GMDS: variants seen among roughly 807,000 people sequenced by gnomAD.
The protein encoded by GMDS is GDP-mannose 4,6-dehydratase, also known as GDP-mannose 4,6 dehydratase.
Under a neutral mutation model 49.9 loss-of-function variants are expected in GMDS, and 20 were observed. The ratio of observed to expected loss-of-function variants is 0.40; its 90% CI spans 0.28 to 0.58. The LOEUF is 0.58. GMDS is among the 20% of genes least tolerant of loss of function. GMDS has a pLI of 0.42. For missense variants in GMDS, 362 were observed against 481.4 expected (o/e 0.75, Z 2.32); for synonymous variants, 177 against 178.6 (o/e 0.99, Z 0.07).
At chr6:1,747,298 C>A (rs1767536660) in intron 7 of GMDS, among the ~76,000 whole-genome samples, 1 of 152,182 alleles carries the variant, frequency 6.6e-6, no homozygotes, top group Non-Finnish European at 1.5e-5. Context: ...CGTTAACCTC[C>A]AGTTCAGTAT....
chr6:1,700,926 G>A (rs974856520), intron 9 of GMDS, among the ~76,000 whole-genome samples: 4 of 152,170 alleles, frequency 2.6e-5, no homozygotes, highest in African/African-American at 9.7e-5. Context: ...AGAAGGGTCA[G>A]TCATAACTTA....
intron 7 of GMDS, among the ~76,000 whole-genome samples, chr6:1,743,774 A>T (rs1199678290): frequency 8.1e-5 from 4 of 49,614 alleles, no homozygotes; most frequent in East Asian, 3.0e-3. Flanking sequence ...TGAAGATTTA[A>T]AAAAAAAAAT....
rs535374691 is a variant in GMDS, at chr6:1,970,249, C to T, written c.346-9283G>A. Reference sequence around the variant, plus strand: ...ACCAGTGAGCTGGAAATGCCTAAGACCACACAAGCAGCTGCACTGTTTACT... The same window carrying T: ...ACCAGTGAGCTGGAAATGCCTAAGATCACACAAGCAGCTGCACTGTTTACT... On this transcript the variant is annotated intron_variant, in intron 4 of 10. Coordinates refer to ENST00000380815, the MANE Select transcript of GMDS (RefSeq NM_001500.4). Among the ~76,000 whole-genome samples the T allele has an allele frequency of 2.6e-5, 4 of 152,306 alleles. No homozygotes were observed. The East Asian group carries it at 7.7e-4, about 29-fold the overall frequency.
At chr6:2,034,018 G>A (rs1028425504) in intron 4 of GMDS, among the ~76,000 whole-genome samples, 2 of 152,084 alleles carry the variant, frequency 1.3e-5, no homozygotes, top group Non-Finnish European at 2.9e-5. Context: ...CAATTTTTTA[G>A]TCACATGATT....
At chr6:1,811,575 A>T (rs889513548) in intron 7 of GMDS, among the ~76,000 whole-genome samples, 8 of 105,318 alleles carry the variant, frequency 7.6e-5, no homozygotes, top group African/African-American at 3.0e-4. Context: ...TTTTTTTTTC[A>T]ACTGAAGCCC....
intron 1 of GMDS, among the ~76,000 whole-genome samples, chr6:2,188,204 C>G (rs1778863803): frequency 1.3e-5 from 2 of 152,326 alleles, no homozygotes; most frequent in Admixed American, 6.5e-5. Flanking sequence ...GAGTACAAAT[C>G]CGGTTATTTT....
At chr6:1,794,094 A>G (rs1769647156) in intron 7 of GMDS, among the ~76,000 whole-genome samples, 1 of 152,222 alleles carries the variant, frequency 6.6e-6, no homozygotes, top group Non-Finnish European at 1.5e-5. Context: ...AACAAAATAT[A>G]ATGTTTGGAT....
intron 1 of GMDS, among the ~76,000 whole-genome samples, chr6:2,230,268 T>C (rs1455689474): frequency 6.6e-6 from 1 of 152,234 alleles, no homozygotes; most frequent in African/African-American, 2.4e-5. Context: ...AAAATCTAGA[T>C]GCTTTTATTA....
At chr6:1,819,336 T>C (rs1323964433) in intron 7 of GMDS, among the ~76,000 whole-genome samples, 1 of 152,226 alleles carries the variant, frequency 6.6e-6, no homozygotes, top group Non-Finnish European at 1.5e-5. Context: ...TTTATTTTAA[T>C]AAACTCAAAT....
At chr6:2,114,465 C>T (rs1774730668) in intron 4 of GMDS, among the ~76,000 whole-genome samples, 1 of 152,154 alleles carries the variant, frequency 6.6e-6, no homozygotes, top group Admixed American at 6.5e-5. Context: ...ATTTCTCAAG[C>T]ACACAGTATG....
At chr6:1,959,405 T>C (rs754001892) in intron 6 of GMDS, among the ~76,000 whole-genome samples, 1 of 152,188 alleles carries the variant, frequency 6.6e-6, no homozygotes, top group Non-Finnish European at 1.5e-5. Flanking sequence ...TTTAGAAGCA[T>C]AGTAATTTCT....
intron 7 of GMDS, among the ~76,000 whole-genome samples, chr6:1,880,864 T>C (rs957136769): frequency 6.6e-6 from 1 of 152,168 alleles, no homozygotes; most frequent in Non-Finnish European, 1.5e-5. Context: ...TCTCCACCTG[T>C]ATTTAGGTAA....
chr6:1,844,717 G>A (rs911046347), intron 7 of GMDS, among the ~76,000 whole-genome samples: 4 of 152,184 alleles, frequency 2.6e-5, no homozygotes, highest in African/African-American at 9.6e-5. Flanking sequence ...GAAAATGGAA[G>A]TTCAAGCTGC....
At chr6:1,893,416 T>C (rs1759987502) in intron 7 of GMDS, among the ~76,000 whole-genome samples, 1 of 152,070 alleles carries the variant, frequency 6.6e-6, no homozygotes, top group Non-Finnish European at 1.5e-5. Flanking sequence ...GGTCTCGAAC[T>C]CCTGACATTA....
intron 4 of GMDS, among the ~76,000 whole-genome samples, chr6:2,099,384 T>C (rs1773796472): frequency 6.6e-6 from 1 of 152,128 alleles, no homozygotes; most frequent in East Asian, 1.9e-4. Context: ...TGTTTGTATT[T>C]TTCCCTGGTG....
intron 9 of GMDS, among the ~76,000 whole-genome samples, chr6:1,660,459 C>T (rs1294876787): frequency 6.6e-6 from 1 of 152,000 alleles, no homozygotes; most frequent in Non-Finnish European, 1.5e-5. Context: ...TTTTGGCTTT[C>T]TGAAACTTTG....
At chr6:2,011,605 C>T (rs1767563630) in intron 4 of GMDS, among the ~76,000 whole-genome samples, 1 of 147,586 alleles carries the variant, frequency 6.8e-6, no homozygotes, top group Admixed American at 6.8e-5. Flanking sequence ...TGGAATACTA[C>T]TCAGTCATAA....
At chr6:2,062,767 T>C (rs990027628) in intron 4 of GMDS, among the ~76,000 whole-genome samples, 2 of 152,220 alleles carry the variant, frequency 1.3e-5, no homozygotes, top group African/African-American at 2.4e-5. Context: ...TATTCAGAGA[T>C]AAATCATAAT....
At chr6:2,232,812 C>T (rs987364542) in intron 1 of GMDS, among the ~76,000 whole-genome samples, 4 of 152,152 alleles carry the variant, frequency 2.6e-5, no homozygotes, top group African/African-American at 9.7e-5. Flanking sequence ...CTCCAGATGC[C>T]CGCGACCTTC....
Sources: gnomAD v4.1 joint callset for allele counts (sites outside exome capture counted in the v4.1 genomes callset) on GRCh38, gnomAD v4.1.1 for gene constraint, MANE v1.5 for transcripts, NCBI Gene and HGNC (gene_info 2026-07-23, HGNC 2026-07-21) for gene names.